SYCP2: variants seen among roughly 807,000 people sequenced by gnomAD.
SYCP2 encodes the protein synaptonemal complex protein 2.
Under a neutral mutation model 211.3 loss-of-function variants are expected in SYCP2, and 55 were observed. The ratio of observed to expected loss-of-function variants is 0.26; its 90% CI spans 0.21 to 0.33. SYCP2 has a LOEUF of 0.33. Among genes scored for constraint, SYCP2 ranks in the 10% least tolerant of loss-of-function variants. SYCP2 has a pLI of 1.00. For synonymous variants in SYCP2, 570 were observed against 555.2 expected (o/e 1.03, Z -0.37); for missense variants, 1,731 against 1,752.0 (o/e 0.99, Z 0.21).
intron 28 of SYCP2, 45 bp from the exon 29 acceptor site, chr20:59,881,537 T>TA (rs561342445): frequency 1.1e-6 from 1 of 927,164 alleles, no homozygotes; most frequent in Non-Finnish European, 1.6e-6. Context: ...AGTGTCAAAA[T>TA]AAAAAAGATT....
intron 7 of SYCP2, among the ~76,000 whole-genome samples, chr20:59,918,464 T>A (rs960332575): frequency 6.6e-6 from 1 of 152,216 alleles, no homozygotes; most frequent in Non-Finnish European, 1.5e-5. Context: ...GCAGTGTTTT[T>A]GGGCTTTGTT....
chr20:59,885,473 T>C (rs111360169), intron 26 of SYCP2, among the ~76,000 whole-genome samples: 1,666 of 152,182 alleles, frequency 0.011, 16 homozygotes, highest in Middle Eastern at 0.017. Context: ...GAGGGTGAAC[T>C]TCAAAACTTG....
chr20:59,932,849 C>T (rs1046146332), intron 1 of SYCP2, among the ~76,000 whole-genome samples: 3 of 152,040 alleles, frequency 2.0e-5, no homozygotes, highest in Non-Finnish European at 4.4e-5. Flanking sequence ...AAGGAGAGGC[C>T]GCAGGTGGGG....
At chr20:59,931,734 T>G (rs139376649) in intron 2 of SYCP2, among the ~76,000 whole-genome samples, 105 of 152,212 alleles carry the variant, frequency 6.9e-4, no homozygotes, top group African/African-American at 2.5e-3. Flanking sequence ...CTAATCTACT[T>G]TTGCACGAAG....
intron 14 of SYCP2, among the ~76,000 whole-genome samples, chr20:59,909,227 G>A (rs1385131274): frequency 6.6e-6 from 1 of 152,086 alleles, no homozygotes; most frequent in Non-Finnish European, 1.5e-5. Flanking sequence ...AAAACCCATG[G>A]TTCTGTCATT....
At position 59,892,418 on chromosome 20, in the gene SYCP2, T is replaced by C; in HGVS notation, c.1936A>G (p.Ile646Val). Residue 646 changes from isoleucine (I) to valine (V), a missense_variant, in exon 24 of 45, where the codon ATA (isoleucine) becomes GTA (valine). By Grantham distance (29) the Ile-to-Val change is conservative (BLOSUM62 3). Transcript: ENST00000357552. ...TTTTGTTTAGTAAGTTTTTTATTTA[T>C]AACAATATCTATTGGGGAAAATGAG... ...SGDTLNQDIV[I>V]NKKLTKQKSS... 1 of 1,499,980 alleles carries C rather than the reference T, an allele frequency of 6.7e-7. No individual in the cohort carries two copies. Among genetic ancestry groups the C allele is most frequent in the Middle Eastern group, 1.8e-4 (1 of 5,570 alleles). The allele number at this position is 1,499,980 out of a possible 1,614,324, so 92.9% of individuals were successfully genotyped here. A position where few individuals can be genotyped will look rare whatever the true frequency, so the allele number is the denominator to read the frequency against.
chr20:59,874,140 T>C lies in SYCP2; in HGVS notation c.3350-79A>G, dbSNP rs987415534. On this transcript the variant is annotated intron_variant, in intron 34 of 44. Transcript: ENST00000357552. ...TCTGCTTTAGAAATAGCACGATTAA[T>C]TTAAATTCTAAGAATTTGTCAGATC... The C allele has an allele frequency of 2.1e-5, 15 of 702,108 alleles. No homozygotes were observed. The East Asian group carries it at 4.6e-4, about 21-fold the overall frequency. The allele number at this position is 702,108 out of a possible 1,614,324, so 43.5% of individuals were successfully genotyped here.
intron 14 of SYCP2, among the ~76,000 whole-genome samples, chr20:59,910,458 G>A (rs562867162): frequency 2.3e-5 from 3 of 128,678 alleles, no homozygotes. Context: ...TCGGCTCACT[G>A]CAAGCTCCGC....
intron 10 of SYCP2, 134 bp from the exon 11 acceptor site, chr20:59,914,385 T>C: frequency 2.2e-6 from 1 of 456,978 alleles, no homozygotes; most frequent in African/African-American, 2.0e-5. Flanking sequence ...TCTATTAATA[T>C]TTTCTTCATA....
intron 34 of SYCP2, 37 bp from the exon 35 acceptor site, chr20:59,874,098 A>C (rs1032412070): frequency 8.5e-7 from 1 of 1,176,702 alleles, no homozygotes. Flanking sequence ...AATAGATGGC[A>C]AGCGTTATCA....
intron 33 of SYCP2, among the ~76,000 whole-genome samples, chr20:59,875,704 CTTCT>C (rs1464086146): frequency 6.6e-6 from 1 of 151,942 alleles, no homozygotes; most frequent in African/African-American, 2.4e-5. Context: ...TACAAATAGC[CTTCT>C]TTGAGGGTTC....
Position 59,865,447 on chromosome 20 carries a change from G to A in SYCP2, c.4459-3C>T, listed in dbSNP as rs1172322748. On this transcript the variant is annotated splice_polypyrimidine_tract_variant and splice_region_variant and intron_variant, in intron 43 of 44. Coordinates refer to ENST00000357552, the MANE Select transcript of SYCP2 (RefSeq NM_014258.4). The stretch of plus-strand genomic sequence containing the variant: ...ATATCTTCTTTCATCAAACACATCT[G>A]TAAAAAAGTAAATATATTTCACCCA... 1.2e-6 allele frequency: 2 copies of A among 1,607,332 alleles called. No individual in the cohort carries two copies. Among genetic ancestry groups the A allele is most frequent in the Non-Finnish European group, 1.7e-6 (2 of 1,176,718 alleles).
At chr20:59,910,389 T>A (rs1041271230) in intron 14 of SYCP2, among the ~76,000 whole-genome samples, 17 of 137,638 alleles carry the variant, frequency 1.2e-4, no homozygotes, top group Non-Finnish European at 2.3e-4. Context: ...TTTTTTTTTT[T>A]TTTTTTTTTT....
At chr20:59,897,728 A>G (rs932006637) in intron 18 of SYCP2, among the ~76,000 whole-genome samples, 1 of 152,210 alleles carries the variant, frequency 6.6e-6, no homozygotes, top group African/African-American at 2.4e-5. Context: ...TGTGAGAGTT[A>G]TAGTTACGTA....
At chr20:59,900,382 T>C (rs1160961182) in intron 17 of SYCP2, 98 bp from the exon 18 acceptor site, 1 of 1,026,830 alleles carries the variant, frequency 9.7e-7, no homozygotes, top group Non-Finnish European at 1.4e-6. Flanking sequence ...ATCTCACATA[T>C]TCAATTATTT....
chr20:59,919,261 T>A, intron 6 of SYCP2, 79 bp from the exon 7 acceptor site: 1 of 790,568 alleles, frequency 1.3e-6, no homozygotes, highest in South Asian at 1.7e-5. Context: ...CCATTACAAA[T>A]GGTATTGAAA....
rs777968597 is a variant in SYCP2, at chr20:59,907,394, C to T, written c.1003G>A (p.Glu335Lys). Residue 335 changes from glutamate (E) to lysine (K), a missense_variant, in exon 15 of 45, where the codon GAG becomes AAG. By Grantham distance (56) the Glu-to-Lys change is moderately conservative. This residue lies in a region of SYCP2 where 9 missense variants were observed against 21.9 expected (regional missense o/e 0.41). Transcript: ENST00000357552. The part of the protein sequence containing the change: ...DHQWEAVTVP[E>K]EKVQIYSIEV... ...ATGCTGTATATTTGTACTTTTTCCTCTGGCACAGTAACTGCTTCCCATTGA... is the reference window on the plus strand; with the variant it reads ...ATGCTGTATATTTGTACTTTTTCCTTTGGCACAGTAACTGCTTCCCATTGA... 6.2e-7 allele frequency: 1 copy of T among 1,611,308 alleles called. No individual in the cohort carries two copies. Among genetic ancestry groups the T allele is most frequent in the Non-Finnish European group, 8.5e-7 (1 of 1,178,454 alleles).
intron 15 of SYCP2, among the ~76,000 whole-genome samples, chr20:59,905,240 A>G (rs756150862): frequency 1.2e-4 from 18 of 152,188 alleles, no homozygotes; most frequent in Non-Finnish European, 2.4e-4. Context: ...ATGGGTCTGA[A>G]CTAACCACTG....
At chr20:59,912,445 A>C in intron 12 of SYCP2, 27 bp from the exon 13 acceptor site, 1 of 889,936 alleles carries the variant, frequency 1.1e-6, no homozygotes, top group East Asian at 3.0e-5. Context: ...TTTAAGAAAA[A>C]AATAAATAAG....
Sources: gnomAD v4.1 joint callset for allele counts (sites outside exome capture counted in the v4.1 genomes callset) on GRCh38, gnomAD v4.1.1 for gene constraint, gnomAD v4.1.1 regional missense constraint, MANE v1.5 for transcripts, NCBI Gene and HGNC (gene_info 2026-07-23, HGNC 2026-07-21) for gene names.